Variants in RIT2 observed in about 807,000 individuals in gnomAD.
RIT2 encodes the protein GTP-binding protein Rit2.
A neutral mutation model predicts 23.7 loss-of-function variants in RIT2; 24 were observed. The observed-to-expected ratio is 1.01, with a 90% CI of 0.73 to 1.43. The LOEUF (loss-of-function observed/expected upper bound fraction) is 1.43, where lower values mean the gene tolerates loss of function less well. Among genes scored for constraint, RIT2 ranks in the 40% most tolerant of loss-of-function variants. The pLI, the probability that RIT2 is intolerant of heterozygous loss-of-function variation, is 0.00. For missense variants in RIT2, 236 were observed against 266.9 expected, an observed-to-expected ratio of 0.88 and a Z score of 0.81; for synonymous variants, 107 against 91.1, an observed-to-expected ratio of 1.17 and a Z score of -0.99.
intron 4 of RIT2, among the ~76,000 whole-genome samples, chr18:42,793,631 G>C (rs1280851315): frequency 3.3e-5 from 5 of 152,098 alleles, no homozygotes; most frequent in African/African-American, 4.8e-5. Flanking sequence ...AACAAACAAA[G>C]AGGCCTGAGG....
chr18:43,046,781 T>C (rs896038901), intron 1 of RIT2, among the ~76,000 whole-genome samples: 1 of 152,184 alleles, frequency 6.6e-6, no homozygotes, highest in African/African-American at 2.4e-5. Context: ...CAACATACTT[T>C]AGTATATTGA....
At chr18:42,818,465 A>C (rs1457371225) in intron 4 of RIT2, among the ~76,000 whole-genome samples, 2 of 152,094 alleles carry the variant, frequency 1.3e-5, no homozygotes, top group Non-Finnish European at 2.9e-5. Flanking sequence ...AACCCTTTCT[A>C]TATGTAAATA....
intron 4 of RIT2, among the ~76,000 whole-genome samples, chr18:42,805,555 T>C (rs1341110147): frequency 6.6e-6 from 1 of 152,254 alleles, no homozygotes; most frequent in African/African-American, 2.4e-5. Flanking sequence ...TTTATTTTTC[T>C]AGATTGCATT....
intron 4 of RIT2, among the ~76,000 whole-genome samples, chr18:42,916,370 C>T (rs192903103): frequency 6.6e-6 from 1 of 152,202 alleles, no homozygotes; most frequent in Admixed American, 6.6e-5. Context: ...CTCACCTTTA[C>T]TTAGCTCATA....
At chr18:43,106,555 C>T (rs867563695) in intron 1 of RIT2, among the ~76,000 whole-genome samples, 17 of 152,124 alleles carry the variant, frequency 1.1e-4, no homozygotes, top group African/African-American at 3.4e-4. Flanking sequence ...AAGATTTTTT[C>T]CTGGGACTGC....
chr18:42,976,201 G>A (rs563464724), intron 2 of RIT2, among the ~76,000 whole-genome samples: 1 of 152,076 alleles, frequency 6.6e-6, no homozygotes, highest in South Asian at 2.1e-4. Flanking sequence ...TGCTTCCTGG[G>A]AGAAGTAGCA....
intron 1 of RIT2, among the ~76,000 whole-genome samples, chr18:43,088,168 A>G (rs1913330332): frequency 6.6e-6 from 1 of 152,152 alleles, no homozygotes; most frequent in African/African-American, 2.4e-5. Flanking sequence ...TAGAGAAACT[A>G]TGTAAAAGCA....
At chr18:42,858,308 G>C (rs1405864051) in intron 4 of RIT2, among the ~76,000 whole-genome samples, 2 of 152,184 alleles carry the variant, frequency 1.3e-5, no homozygotes, top group Non-Finnish European at 2.9e-5. Context: ...ATGAATACCT[G>C]TTCTGCTCTG....
chr18:42,900,950 T>C (rs1908460141), intron 4 of RIT2, among the ~76,000 whole-genome samples: 1 of 152,024 alleles, frequency 6.6e-6, no homozygotes. Context: ...AAGCTATTTT[T>C]ATATCACGGT....
chr18:42,784,435 A>C (rs11082297), intron 4 of RIT2, among the ~76,000 whole-genome samples: 38,338 of 151,850 alleles, frequency 0.25, 5,501 homozygotes, highest in East Asian at 0.45. Context: ...CATTTTCCTC[A>C]ATTTCTTCTG....
chr18:42,825,184 T>C (rs1236067847), intron 4 of RIT2, among the ~76,000 whole-genome samples: 1 of 151,906 alleles, frequency 6.6e-6, no homozygotes, highest in East Asian at 1.9e-4. Context: ...ATATATAATC[T>C]CTAAAGACAA....
chr18:42,940,420 G>GAC (rs951902444), intron 3 of RIT2, among the ~76,000 whole-genome samples: 1 of 149,098 alleles, frequency 6.7e-6, no homozygotes, highest in East Asian at 2.0e-4. Context: ...CACATATATA[G>GAC]ACACACACAC....
chr18:43,027,550 A>G (rs1911761929), intron 2 of RIT2, among the ~76,000 whole-genome samples: 1 of 151,994 alleles, frequency 6.6e-6, no homozygotes, highest in Admixed American at 6.6e-5. Context: ...TAGCTTTAGA[A>G]GTATCTTCTG....
intron 4 of RIT2, among the ~76,000 whole-genome samples, chr18:42,917,164 C>T (rs1172883957): frequency 5.9e-5 from 9 of 152,072 alleles, no homozygotes; most frequent in Non-Finnish European, 2.9e-5. Context: ...GGAAGTACTT[C>T]TCTGAACAAC....
chr18:42,970,399 T>A lies in RIT2; in HGVS notation c.234+3675A>T, dbSNP rs372551666. On this transcript the variant is annotated intron_variant, in intron 3 of 4. Transcript: ENST00000326695. ...AAAAATTAAATGCTGGAAAGATGCTTAGGGTACAAGTTCTTTATAATCTGA... is the reference window on the plus strand; with the variant it reads ...AAAAATTAAATGCTGGAAAGATGCTAAGGGTACAAGTTCTTTATAATCTGA... 5.3e-5 allele frequency among the ~76,000 whole-genome samples: 8 copies of A among 152,144 alleles called. No individual in the cohort carries two copies. In the South Asian group the frequency reaches 1.7e-3, roughly 32 times the overall value.
chr18:42,791,867 A>G (rs1259447144), intron 4 of RIT2, among the ~76,000 whole-genome samples: 1 of 152,214 alleles, frequency 6.6e-6, no homozygotes, highest in African/African-American at 2.4e-5. Context: ...CAGCATGACC[A>G]GTCAGAGTAC....
intron 2 of RIT2, among the ~76,000 whole-genome samples, chr18:42,994,293 C>T (rs1041338501): frequency 6.6e-6 from 1 of 152,104 alleles, no homozygotes; most frequent in African/African-American, 2.4e-5. Flanking sequence ...ATTTCTTCTC[C>T]ATCCGTTACC....
chr18:43,097,729 A>G (rs1010348438), intron 1 of RIT2, among the ~76,000 whole-genome samples: 1 of 151,944 alleles, frequency 6.6e-6, no homozygotes, highest in Non-Finnish European at 1.5e-5. Flanking sequence ...TCCACCAGAC[A>G]GCTTTTAAAG....
At chr18:42,831,356 C>T (rs754504753) in intron 4 of RIT2, among the ~76,000 whole-genome samples, 4 of 152,204 alleles carry the variant, frequency 2.6e-5, no homozygotes, top group Non-Finnish European at 4.4e-5. Context: ...CAGTAGGAAA[C>T]TCCCATTCTC....
Sources: allele counts gnomAD v4.1 joint callset (sites outside exome capture counted in the v4.1 genomes callset), GRCh38; gene constraint gnomAD v4.1.1; transcripts MANE v1.5; gene names NCBI Gene and HGNC (gene_info 2026-07-23, HGNC 2026-07-21).